Variants in FBXL7 observed in about 807,000 individuals in gnomAD.
The protein encoded by FBXL7 is F-box and leucine rich repeat protein 7, also known as F-box/LRR-repeat protein 7.
FBXL7 carries 12 observed loss-of-function variants against 38.3 expected under a neutral mutation model. That is an observed-to-expected ratio of 0.31 (90% CI 0.20 to 0.51). The LOEUF (loss-of-function observed/expected upper bound fraction) is 0.51. FBXL7 is among the 20% of genes least tolerant of loss of function. The pLI is 0.98. For missense variants in FBXL7, 567 were observed against 676.4 expected (o/e 0.84, Z 1.79); for synonymous variants, 297 against 300.9 (o/e 0.99, Z 0.13).
At chr5:15,699,237 G>T (rs1280577886) in intron 2 of FBXL7, among the ~76,000 whole-genome samples, 3 of 152,120 alleles carry the variant, frequency 2.0e-5, no homozygotes, top group Non-Finnish European at 2.9e-5. Context: ...ACATTGGGTG[G>T]CTTAAAACAA....
At chr5:15,840,417 G>A (rs573764472) in intron 2 of FBXL7, among the ~76,000 whole-genome samples, 9 of 152,052 alleles carry the variant, frequency 5.9e-5, no homozygotes, top group Non-Finnish European at 1.3e-4. Context: ...ATGAATTTTG[G>A]AATCAGTTTG....
intron 2 of FBXL7, among the ~76,000 whole-genome samples, chr5:15,924,618 G>C (rs917218663): frequency 2.0e-5 from 3 of 150,446 alleles, no homozygotes; most frequent in Admixed American, 6.7e-5. Context: ...CTGCTTCACG[G>C]GTCTCTCATT....
At chr5:15,534,623 C>T (rs1183470531) in intron 1 of FBXL7, among the ~76,000 whole-genome samples, 1 of 152,160 alleles carries the variant, frequency 6.6e-6, no homozygotes, top group Non-Finnish European at 1.5e-5. Flanking sequence ...GTTATAAAAT[C>T]TGTGTGCAGA....
intron 2 of FBXL7, among the ~76,000 whole-genome samples, chr5:15,699,751 A>T (rs760586265): frequency 1.3e-5 from 2 of 152,102 alleles, no homozygotes; most frequent in African/African-American, 2.4e-5. Flanking sequence ...CCAGATCCTG[A>T]CTCAGTAGGT....
At chr5:15,555,838 T>C (rs999623031) in intron 1 of FBXL7, among the ~76,000 whole-genome samples, 1 of 146,026 alleles carries the variant, frequency 6.8e-6, no homozygotes, top group African/African-American at 2.6e-5. Flanking sequence ...AGATGAAAGA[T>C]AGACACAGCA....
At chr5:15,599,801 T>C (rs1214212584) in intron 1 of FBXL7, among the ~76,000 whole-genome samples, 3 of 151,526 alleles carry the variant, frequency 2.0e-5, no homozygotes, top group Admixed American at 2.0e-4. Flanking sequence ...TTGTTTGTTA[T>C]GTCAGCTGAA....
chr5:15,858,078 C>T (rs1274882256), intron 2 of FBXL7, among the ~76,000 whole-genome samples: 5 of 151,978 alleles, frequency 3.3e-5, no homozygotes, highest in Non-Finnish European at 7.4e-5. Context: ...CTTGGTATTC[C>T]AGTCTTATTC....
intron 2 of FBXL7, among the ~76,000 whole-genome samples, chr5:15,639,496 T>TG (rs771406678): frequency 3.9e-5 from 6 of 152,264 alleles, no homozygotes; most frequent in Admixed American, 1.3e-4. Context: ...CCATGAAAGA[T>TG]GTGACTTGCT....
rs1199603088 is a variant in FBXL7, at chr5:15,645,027, G to T, written c.127+28955G>T. The stretch of plus-strand genomic sequence containing the variant: ...ATTTAGCAATTTTCATGGGCTAAAT[G>T]ATATACAAGGCTAATATGGGCCAGG... On this transcript the variant is annotated intron_variant, in intron 2 of 3. Transcript: ENST00000504595. 4.6e-5 allele frequency among the ~76,000 whole-genome samples: 7 copies of T among 152,174 alleles called. 1 individual carries two copies. Among genetic ancestry groups the T allele is most frequent in the Non-Finnish European group, 8.8e-5 (6 of 68,044 alleles).
chr5:15,517,774 T>C (rs1736982607), intron 1 of FBXL7, among the ~76,000 whole-genome samples: 1 of 152,160 alleles, frequency 6.6e-6, no homozygotes, highest in Admixed American at 6.5e-5. Context: ...TGAAGGACCA[T>C]CATTAATTTA....
At chr5:15,544,352 A>C (rs1424314919) in intron 1 of FBXL7, among the ~76,000 whole-genome samples, 1 of 152,246 alleles carries the variant, frequency 6.6e-6, no homozygotes, top group African/African-American at 2.4e-5. Flanking sequence ...CAGTACGTCA[A>C]GGGAACCTCA....
chr5:15,721,939 A>G (rs575577004), intron 2 of FBXL7, among the ~76,000 whole-genome samples: 22 of 152,192 alleles, frequency 1.4e-4, no homozygotes, highest in Admixed American at 1.2e-3. Flanking sequence ...GGTTCAAGCA[A>G]TTCTCCTGCC....
intron 2 of FBXL7, among the ~76,000 whole-genome samples, chr5:15,673,890 G>T (rs1742567137): frequency 6.6e-6 from 1 of 152,056 alleles, no homozygotes; most frequent in African/African-American, 2.4e-5. Flanking sequence ...AAAACAATGT[G>T]ACTCAAAGAC....
At chr5:15,553,103 C>A (rs1425447253) in intron 1 of FBXL7, among the ~76,000 whole-genome samples, 1 of 150,008 alleles carries the variant, frequency 6.7e-6, no homozygotes, top group East Asian at 2.0e-4. Context: ...CAAAAAAAAA[C>A]CCAACCAAAC....
chr5:15,937,020 C>A lies in FBXL7; in HGVS notation c.1310C>A (p.Ser437Tyr). 6.2e-7 allele frequency: 1 copy of A among 1,614,032 alleles called. No individual in the cohort carries two copies. Among genetic ancestry groups the A allele is most frequent in the Non-Finnish European group, 8.5e-7 (1 of 1,179,890 alleles). Reference protein sequence around the residue: ...CFNLKRLSLKSCESITGQGLQ... With the variant: ...CFNLKRLSLKYCESITGQGLQ... ...AACCTCAAGCGGCTCAGCCTCAAGTCCTGCGAGAGCATCACCGGCCAGGGC... is the reference window on the plus strand; with the variant it reads ...AACCTCAAGCGGCTCAGCCTCAAGTACTGCGAGAGCATCACCGGCCAGGGC... The change falls in exon 4 of 4, where the codon TCC becomes TAC. Residue 437 changes from serine (S) to tyrosine (Y), a missense_variant. Physicochemically the swap from Ser to Tyr is moderately radical, Grantham distance 144. Transcript: ENST00000504595.
At chr5:15,823,904 G>A (rs573977015) in intron 2 of FBXL7, among the ~76,000 whole-genome samples, 4 of 152,214 alleles carry the variant, frequency 2.6e-5, no homozygotes, top group African/African-American at 4.8e-5. Context: ...ACAGTGTCCC[G>A]AAGTGAATGA....
chr5:15,663,417 G>C (rs1742158496), intron 2 of FBXL7, among the ~76,000 whole-genome samples: 1 of 152,046 alleles, frequency 6.6e-6, no homozygotes, highest in Non-Finnish European at 1.5e-5. Context: ...CAAGGGGAAT[G>C]CTTCCTACTT....
chr5:15,656,042 C>T (rs1367045437), intron 2 of FBXL7, among the ~76,000 whole-genome samples: 3 of 152,184 alleles, frequency 2.0e-5, no homozygotes, highest in Non-Finnish European at 2.9e-5. Context: ...GTTTAAAATA[C>T]TAAGAACTTT....
chr5:15,653,739 A>G (rs1741782398), intron 2 of FBXL7, among the ~76,000 whole-genome samples: 1 of 152,326 alleles, frequency 6.6e-6, no homozygotes. Flanking sequence ...CTCTGTTAAA[A>G]TGTTGGCTTT....
Sources: gnomAD v4.1 joint callset for allele counts (sites outside exome capture counted in the v4.1 genomes callset) on GRCh38, gnomAD v4.1.1 for gene constraint, MANE v1.5 for transcripts, NCBI Gene and HGNC (gene_info 2026-07-23, HGNC 2026-07-21) for gene names.